TIAL1: variants seen among roughly 807,000 people sequenced by gnomAD.
TIAL1 encodes the protein nucleolysin TIAR.
In TIAL1, 7 loss-of-function variants were observed where a neutral mutation model predicts 59.7. The ratio of observed to expected loss-of-function variants is 0.12; its 90% confidence interval spans 0.07 to 0.22. The LOEUF (loss-of-function observed/expected upper bound fraction) is 0.22, where lower values mean the gene tolerates loss of function less well. Ranked by LOEUF, TIAL1 falls within the 10% of genes least tolerant of loss-of-function variation. The probability of loss-of-function intolerance (pLI) is 1.00; values close to 1 mark genes in which losing one functional copy is unlikely to be tolerated. For synonymous variants in TIAL1, 149 were observed against 146.3 expected, an observed-to-expected ratio of 1.02 and a Z score of -0.13; for missense variants, 225 against 462.5, an observed-to-expected ratio of 0.49 and a Z score of 4.71.
At chr10:119,581,557 TCA>T (rs1215099145) in intron 5 of TIAL1, among the ~76,000 whole-genome samples, 1 of 152,196 alleles carries the variant, frequency 6.6e-6, no homozygotes, top group Non-Finnish European at 1.5e-5. Context: ...ACAGTATAGA[TCA>T]CATTTACTTT....
Position 119,582,655 on chromosome 10 carries a change from A to T in TIAL1, c.130-98T>A. The T allele has an allele frequency of 6.5e-7, 1 of 1,541,060 alleles. No homozygotes were observed. The highest frequency in any genetic ancestry group is 1.4e-5 in the African/African-American group (1 of 72,170). On this transcript the variant is annotated intron_variant, in intron 2 of 11. Transcript: ENST00000436547. The surrounding 1 kb of genome is among the most constrained non-coding windows in gnomAD (Gnocchi z 5.1). The stretch of plus-strand genomic sequence containing the variant: ...AAACATTACTGATAGCTGGGAATAT[A>T]CAAGGTGAGACTGCATAAGCTTATG...
intron 5 of TIAL1, chr10:119,581,640 AC>A (rs1845312511): frequency 3.9e-6 from 1 of 253,564 alleles, no homozygotes; most frequent in Admixed American, 4.9e-5. Context: ...TATAAGTTTT[AC>A]CATTCAAACA....
chr10:119,578,388 T>C (rs191789037), intron 7 of TIAL1, among the ~76,000 whole-genome samples: 98 of 152,170 alleles, frequency 6.4e-4, no homozygotes, highest in African/African-American at 2.3e-3. Flanking sequence ...TAATGAAATA[T>C]AAAATGAAAT....
At chr10:119,596,277 A>T (rs927277250) in intron 1 of TIAL1, among the ~76,000 whole-genome samples, 157 bp downstream of exon 1, 1 of 152,226 alleles carries the variant, frequency 6.6e-6, no homozygotes, top group African/African-American at 2.4e-5. Context: ...TCCCAAGGAA[A>T]AGGGGACAGA....
intron 1 of TIAL1, chr10:119,592,370 C>G (rs1246551244): frequency 1.3e-5 from 2 of 152,158 alleles, no homozygotes; most frequent in East Asian, 3.8e-4. Flanking sequence ...GGGCTAAAAA[C>G]TTAGCAGTTT....
intron 2 of TIAL1, among the ~76,000 whole-genome samples, chr10:119,583,825 C>A (rs976395422): frequency 2.6e-5 from 4 of 152,094 alleles, no homozygotes; most frequent in African/African-American, 9.7e-5. Flanking sequence ...GTTGTAGCCA[C>A]GTGAATGCTG....
chr10:119,584,993 C>T (rs937189112), intron 2 of TIAL1, among the ~76,000 whole-genome samples: 8 of 150,252 alleles, frequency 5.3e-5, no homozygotes, highest in South Asian at 4.2e-4. Context: ...CATGATGGCA[C>T]GCACCTGTAG....
chr10:119,588,351 C>CTT, intron 1 of TIAL1, 103 bp from the exon 2 acceptor site: 5 of 212,072 alleles, frequency 2.4e-5, no homozygotes, highest in Admixed American at 7.8e-5. Flanking sequence ...TTCTTTCTTT[C>CTT]TTTTTTTTTT....
intron 1 of TIAL1, 78 bp from the exon 2 acceptor site, chr10:119,588,326 CT>C (rs869103037): frequency 2.7e-6 from 2 of 745,540 alleles, no homozygotes; most frequent in Non-Finnish European, 2.0e-6. Flanking sequence ...AATTCATCAC[CT>C]TTTCTTTCTT....
intron 1 of TIAL1, among the ~76,000 whole-genome samples, chr10:119,595,867 C>G (rs1373750548): frequency 6.6e-6 from 1 of 152,174 alleles, no homozygotes; most frequent in Non-Finnish European, 1.5e-5. Context: ...TTTCTGACAG[C>G]GTGGGCGGGG....
chr10:119,577,672 C>G lies in TIAL1; in HGVS notation c.621G>C (p.Val207=), dbSNP rs764333440. ...VNQSSPKNCT[V]YCGGIASGLT... Reference sequence around the variant, plus strand: ...ACCCAGACGCAATTCCTCCACAGTACACAGTACAATTTTTTGGACTTGACT... The same window carrying G: ...ACCCAGACGCAATTCCTCCACAGTAGACAGTACAATTTTTTGGACTTGACT... Residue 207 remains valine, a synonymous_variant, in exon 8 of 12, where the codon GTG becomes GTC. Transcript: ENST00000436547. The G allele has an allele frequency of 6.2e-7, 1 of 1,614,034 alleles. No homozygotes were observed. The highest frequency in any genetic ancestry group is 8.5e-7 in the Non-Finnish European group (1 of 1,180,024).
At chr10:119,593,496 G>A (rs1157988814) in intron 1 of TIAL1, 1 of 985,594 alleles carries the variant, frequency 1.0e-6, no homozygotes. Flanking sequence ...AGAACCATAT[G>A]TCTTAGCTTG....
chr10:119,593,558 A>G, intron 1 of TIAL1: 2 of 907,996 alleles, frequency 2.2e-6, no homozygotes, highest in Non-Finnish European at 2.6e-6. Context: ...CATCTTAAGG[A>G]AACAATTTAA....
At chr10:119,578,551 T>C (rs1323223777) in intron 7 of TIAL1, among the ~76,000 whole-genome samples, 175 bp downstream of exon 7, 1 of 151,746 alleles carries the variant, frequency 6.6e-6, no homozygotes, top group Non-Finnish European at 1.5e-5. Flanking sequence ...GGATCACTTA[T>C]ACCCAGGAGT....
chr10:119,591,676 A>G (rs1186036722), intron 1 of TIAL1, among the ~76,000 whole-genome samples: 1 of 152,234 alleles, frequency 6.6e-6, no homozygotes, highest in African/African-American at 2.4e-5. Context: ...AAGGCCTTCC[A>G]TAACAACACA....
Position 119,582,312 on chromosome 10 carries a change from T to C in TIAL1, c.229-89A>G, listed in dbSNP as rs1315666905. ...TTATTAAATCATTTATCAAGCAGGG[T>C]TATTTTTGTAAAAGCACTAAGCTGA... On this transcript the variant is annotated intron_variant, in intron 3 of 11. Coordinates refer to ENST00000436547, the MANE Select transcript of TIAL1 (RefSeq NM_003252.4). The surrounding 1 kb of genome is among the most constrained non-coding windows in gnomAD (Gnocchi z 5.1). 4.7e-6 allele frequency: 7 copies of C among 1,474,770 alleles called. No homozygotes were observed. The highest frequency in any genetic ancestry group is 2.2e-5 in the Admixed American group (1 of 45,732). The allele number at this position is 1,474,770 out of a possible 1,614,324, so 91.4% of individuals were successfully genotyped here.
chr10:119,578,929 A>C (rs1360604095), intron 6 of TIAL1, 95 bp from the exon 7 acceptor site: 8 of 875,704 alleles, frequency 9.1e-6, no homozygotes, highest in East Asian at 2.6e-5. Context: ...GGTTCCATAC[A>C]AATCAGTAGA....
At chr10:119,592,246 G>A (rs563066624) in intron 1 of TIAL1, 1 of 152,156 alleles carries the variant, frequency 6.6e-6, no homozygotes, top group Non-Finnish European at 1.5e-5. Context: ...AAATTCAGAA[G>A]AGGCATACCT....
chr10:119,595,902 G>A (rs1480636300), intron 1 of TIAL1, among the ~76,000 whole-genome samples: 3 of 152,152 alleles, frequency 2.0e-5, no homozygotes, highest in Non-Finnish European at 4.4e-5. Flanking sequence ...AAGAGAGAAG[G>A]GGCTTGAGTG....
Sources: allele counts gnomAD v4.1 joint callset (sites outside exome capture counted in the v4.1 genomes callset), GRCh38; gene constraint gnomAD v4.1.1; non-coding constraint Gnocchi (gnomAD v3.1); transcripts MANE v1.5; gene names NCBI Gene and HGNC (gene_info 2026-07-23, HGNC 2026-07-21).